The following XIAP variants were observed in gnomAD, a reference collection of about 807,000 sequenced individuals.
The protein encoded by XIAP is X-linked inhibitor of apoptosis.
A neutral mutation model predicts 33.1 loss-of-function variants in XIAP; 3 were observed. The ratio of observed to expected loss-of-function variants is 0.09; its 90% CI spans 0.04 to 0.23. The LOEUF (loss-of-function observed/expected upper bound fraction) is 0.23, where lower values mean the gene tolerates loss of function less well. Ranked by LOEUF, XIAP falls within the 10% of genes least tolerant of loss-of-function variation. The probability of loss-of-function intolerance (pLI) is 1.00; values close to 1 mark genes in which losing one functional copy is unlikely to be tolerated. For missense variants in XIAP, 264 were observed against 363.0 expected, an observed-to-expected ratio of 0.73 and a Z score of 2.22; for synonymous variants, 98 against 121.3, an observed-to-expected ratio of 0.81 and a Z score of 1.26.
At position 123,885,618 on chromosome X, in the gene XIAP, GT is replaced by G. The variant is rs751001162; in HGVS notation, c.-32-11del. ...CACATTTTGGATTTCCTAATATAAT[GT>G]TCTCTTTTTAGAAAAGGTGGACAAG... is the stretch of plus-strand genomic sequence containing the variant. On this transcript the variant is annotated splice_polypyrimidine_tract_variant and intron_variant, in intron 1 of 6. Transcript: ENST00000371199. 8.4e-7 allele frequency: 1 copy of G among 1,188,458 alleles called. No individual in the cohort carries two copies. The highest frequency in any genetic ancestry group is 1.1e-6 in the Non-Finnish European group (1 of 881,532).
At chrX:123,898,522 C>T (rs998295254) in intron 5 of XIAP, among the ~76,000 whole-genome samples, 2 of 110,370 alleles carry the variant, frequency 1.8e-5, no homozygotes, top group African/African-American at 6.6e-5. Flanking sequence ...ACCACTATGC[C>T]CGGGTAATTT....
intron 1 of XIAP, among the ~76,000 whole-genome samples, chrX:123,866,418 TATATA>T (rs1180701801): frequency 4.8e-5 from 5 of 103,235 alleles, no homozygotes; most frequent in Admixed American, 3.4e-4. Flanking sequence ...CTATATATAT[TATATA>T]ATATATATTA....
At chrX:123,883,560 G>A (rs1204420833) in intron 1 of XIAP, among the ~76,000 whole-genome samples, 2 of 99,332 alleles carry the variant, frequency 2.0e-5, no homozygotes, top group South Asian at 4.8e-4. Flanking sequence ...GCAGTGGCGC[G>A]ATCTCAGCTC....
chrX:123,876,445 T>A (rs776460197), intron 1 of XIAP, among the ~76,000 whole-genome samples: 9 of 111,552 alleles, frequency 8.1e-5, no homozygotes, highest in African/African-American at 2.9e-4. Flanking sequence ...GGTTCACGCC[T>A]ATAATCACAA....
intron 2 of XIAP, among the ~76,000 whole-genome samples, chrX:123,888,340 A>G (rs2053373439): frequency 8.9e-6 from 1 of 112,458 alleles, no homozygotes; most frequent in African/African-American, 3.2e-5. Flanking sequence ...GTCTCAAAAA[A>G]AGAAAGAAAG....
intron 6 of XIAP, among the ~76,000 whole-genome samples, chrX:123,904,428 C>T (rs771941962): frequency 9.1e-6 from 1 of 110,293 alleles, no homozygotes; most frequent in South Asian, 3.9e-4. Flanking sequence ...GCCTTGAGTA[C>T]GTTTTCTCTA....
intron 6 of XIAP, among the ~76,000 whole-genome samples, chrX:123,904,170 C>G (rs986456681): frequency 9.0e-5 from 10 of 110,708 alleles, no homozygotes; most frequent in African/African-American, 3.3e-4. Context: ...CTCCTGGGCT[C>G]AAGCTATCCT....
At chrX:123,896,563 C>G (rs1165578353) in intron 5 of XIAP, among the ~76,000 whole-genome samples, 1 of 108,451 alleles carries the variant, frequency 9.2e-6, no homozygotes, top group African/African-American at 3.3e-5. Context: ...GTATTTTCTC[C>G]CATTCTGTGG....
chrX:123,892,757 A>G lies in XIAP; in HGVS notation c.1083A>G (p.Ser361=), dbSNP rs1369991764. 8.4e-7 allele frequency: 1 copy of G among 1,197,150 alleles called. No individual in the cohort carries two copies. The highest frequency in any genetic ancestry group is 3.0e-5 in the East Asian group (1 of 33,653). Residue 361 remains serine, a synonymous_variant, in exon 5 of 7, where the codon TCA becomes TCG. Transcript: ENST00000371199. ...TAAGAACTACTGAGAAAACACCATCACTAACTAGAAGAATTGGTAAATATG... is the reference window on the plus strand; with the variant it reads ...TAAGAACTACTGAGAAAACACCATCGCTAACTAGAAGAATTGGTAAATATG... The part of the protein sequence containing the change: ...CLVRTTEKTP[S]LTRRIDDTIF...
At chrX:123,875,235 G>A (rs1355188005) in intron 1 of XIAP, among the ~76,000 whole-genome samples, 1 of 109,031 alleles carries the variant, frequency 9.2e-6, no homozygotes, top group Non-Finnish European at 1.9e-5. Context: ...TGGCCAGGCT[G>A]GTCTTGAACT....
chrX:123,879,315 GT>G (rs1556402497), intron 1 of XIAP: 31,615 of 85,886 alleles, frequency 0.37, 4,947 homozygotes, highest in African/African-American at 0.46. Context: ...CACAGAAAGA[GT>G]TTTTTTTTTT....
In XIAP at chrX:123,871,309, A is replaced by T. The variant is rs181129197; in HGVS notation, c.-33+11016A>T. Among the ~76,000 whole-genome samples, 172 of 111,139 alleles carry T rather than the reference A, an allele frequency of 1.5e-3. 1 individual carries two copies. In the Admixed American group the frequency reaches 0.016, roughly 11 times the overall value. ...AAAAAAGAATACTTCGTTCTGAGAA[A>T]TGTCTAGGGGTAGGTATTACCTGCT... On this transcript the variant is annotated intron_variant, in intron 1 of 6. Coordinates refer to ENST00000371199, the MANE Select transcript of XIAP (RefSeq NM_001167.4).
At position 123,879,551 on chromosome X, in the gene XIAP, G is replaced by A. The variant is rs28382716; in HGVS notation, c.-32-6080G>A. ...AGGATGATCTCTATCTCCTGACCTCGTGATCCGCCTGCCTTGGCCTCCCAA... is the reference window on the plus strand; with the variant it reads ...AGGATGATCTCTATCTCCTGACCTCATGATCCGCCTGCCTTGGCCTCCCAA... On this transcript the variant is annotated intron_variant, in intron 1 of 6. Coordinates refer to ENST00000371199, the MANE Select transcript of XIAP (RefSeq NM_001167.4). Among the ~76,000 whole-genome samples, 344 of 107,307 alleles carry A rather than the reference G, an allele frequency of 3.2e-3. 1 individual carries two copies. Among genetic ancestry groups the A allele is most frequent in the African/African-American group, 0.011 (328 of 29,689 alleles). The allele number at this position is 107,307 out of a possible 115,157, so 93.2% of individuals were successfully genotyped here.
chrX:123,898,401 C>T (rs760721715), intron 5 of XIAP, among the ~76,000 whole-genome samples: 2 of 111,377 alleles, frequency 1.8e-5, no homozygotes, highest in South Asian at 7.6e-4. Flanking sequence ...CTCGCTCCGT[C>T]ACCGAGGCTG....
At chrX:123,875,874 C>T (rs763847239) in intron 1 of XIAP, among the ~76,000 whole-genome samples, 5 of 111,263 alleles carry the variant, frequency 4.5e-5, no homozygotes, top group East Asian at 2.8e-4. Context: ...TTAGTAGAGA[C>T]GGTGTTTCAC....
intron 1 of XIAP, chrX:123,878,448 AT>A (rs1474020150): frequency 9.0e-6 from 1 of 111,633 alleles, no homozygotes; most frequent in Non-Finnish European, 1.9e-5. Flanking sequence ...GTTTCTATTT[AT>A]TTTAATAACA....
chrX:123,888,141 C>T (rs951737845), intron 2 of XIAP, among the ~76,000 whole-genome samples: 2 of 111,292 alleles, frequency 1.8e-5, no homozygotes, highest in Non-Finnish European at 3.8e-5. Flanking sequence ...CAAGATCAGG[C>T]TGGCCAACAT....
intron 1 of XIAP, among the ~76,000 whole-genome samples, chrX:123,870,864 G>A (rs2053187256): frequency 8.9e-6 from 1 of 111,947 alleles, no homozygotes; most frequent in Non-Finnish European, 1.9e-5. Flanking sequence ...TCACTCTGAG[G>A]TGAGAAGATC....
intron 5 of XIAP, among the ~76,000 whole-genome samples, chrX:123,897,153 C>T (rs917660672): frequency 1.8e-5 from 2 of 110,224 alleles, no homozygotes; most frequent in Non-Finnish European, 3.8e-5. Flanking sequence ...GTCTCGAACT[C>T]CTGACCTCAG....
Sources: allele counts gnomAD v4.1 joint callset (sites outside exome capture counted in the v4.1 genomes callset), GRCh38; gene constraint gnomAD v4.1.1; transcripts MANE v1.5; gene names NCBI Gene and HGNC (gene_info 2026-07-23, HGNC 2026-07-21).